GALNT1: variants seen among roughly 807,000 people sequenced by gnomAD.
GALNT1 encodes polypeptide N-acetylgalactosaminyltransferase 1.
A neutral mutation model predicts 65.7 loss-of-function variants in GALNT1; 17 were observed. The ratio of observed to expected loss-of-function variants is 0.26; its 90% confidence interval spans 0.18 to 0.39. The LOEUF (loss-of-function observed/expected upper bound fraction) is 0.39, where lower values mean the gene tolerates loss of function less well. GALNT1 is among the 10% of genes least tolerant of loss of function. The pLI is 1.00. For synonymous variants in GALNT1, 210 were observed against 219.7 expected, an observed-to-expected ratio of 0.96 and a Z score of 0.39; for missense variants, 460 against 672.8, an observed-to-expected ratio of 0.68 and a Z score of 3.50.
intron 9 of GALNT1, among the ~76,000 whole-genome samples, chr18:35,700,548 C>T (rs1467399577): frequency 1.3e-5 from 2 of 152,200 alleles, no homozygotes; most frequent in Non-Finnish European, 2.9e-5. Context: ...CCACTTTCAA[C>T]ATCTAATGGT....
intron 1 of GALNT1, among the ~76,000 whole-genome samples, chr18:35,630,925 C>T (rs1349184884): frequency 2.0e-5 from 3 of 152,168 alleles, no homozygotes; most frequent in Admixed American, 6.5e-5. Context: ...ACTATAAACA[C>T]CTCTACACAA....
chr18:35,703,516 C>T lies in GALNT1; in HGVS notation c.1406C>T (p.Ser469Phe), dbSNP rs1256109086. 5 of 1,613,154 alleles carry T rather than the reference C, an allele frequency of 3.1e-6. No individual in the cohort carries two copies. Among genetic ancestry groups the T allele is most frequent in the East Asian group, 2.2e-5 (1 of 44,844 alleles). ...CHGMGGNQVFSYTANKEIRTD... is the reference protein window; with the variant it reads ...CHGMGGNQVFFYTANKEIRTD... Reference sequence around the variant, plus strand: ...GTGCATTTTTATTTCCAGGTTTTCTCTTATACTGCCAACAAAGAAATTAGA... The same window carrying T: ...GTGCATTTTTATTTCCAGGTTTTCTTTTATACTGCCAACAAAGAAATTAGA... The change falls in exon 11 of 12, where the codon TCT becomes TTT. Residue 469 changes from serine (S) to phenylalanine (F), a missense_variant. By Grantham distance (155) the Ser-to-Phe change is radical. Transcript: ENST00000269195.
chr18:35,587,106 T>C (rs2046386766), intron 1 of GALNT1, among the ~76,000 whole-genome samples: 1 of 152,068 alleles, frequency 6.6e-6, no homozygotes, highest in Non-Finnish European at 1.5e-5. Context: ...TATTTCTTTT[T>C]ATATTTTAGT....
At chr18:35,691,961 C>G (rs1351608093) in intron 8 of GALNT1, among the ~76,000 whole-genome samples, 1 of 152,146 alleles carries the variant, frequency 6.6e-6, no homozygotes, top group African/African-American at 2.4e-5. Flanking sequence ...ATATTTCATT[C>G]TCACATAAAT....
intron 5 of GALNT1, among the ~76,000 whole-genome samples, chr18:35,683,961 T>G (rs72964468): frequency 0.062 from 9,389 of 152,326 alleles, 321 homozygotes; most frequent in South Asian, 0.077. Context: ...AGGCAGATCC[T>G]CTCAGCTTGT....
intron 1 of GALNT1, among the ~76,000 whole-genome samples, chr18:35,629,767 T>G (rs1416268815): frequency 6.6e-6 from 1 of 152,142 alleles, no homozygotes; most frequent in East Asian, 1.9e-4. Context: ...GACTGGCAAA[T>G]TGGATAAAGA....
intron 3 of GALNT1, among the ~76,000 whole-genome samples, chr18:35,676,950 TA>T (rs2047719566): frequency 6.6e-6 from 1 of 152,232 alleles, no homozygotes; most frequent in African/African-American, 2.4e-5. Context: ...TGCTCAGGCA[TA>T]AATAGTCTTT....
At chr18:35,668,273 A>C (rs1333882686) in intron 3 of GALNT1, among the ~76,000 whole-genome samples, 5 of 152,210 alleles carry the variant, frequency 3.3e-5, no homozygotes, top group Non-Finnish European at 5.9e-5. Context: ...ATGATTAAAA[A>C]ATGATAAAAT....
intron 1 of GALNT1, among the ~76,000 whole-genome samples, chr18:35,601,828 C>T (rs1295421965): frequency 2.0e-5 from 3 of 152,120 alleles, no homozygotes; most frequent in Admixed American, 1.3e-4. Context: ...TTTATATTGT[C>T]TTATGACTTA....
intron 1 of GALNT1, chr18:35,597,499 G>A (rs1280790885): frequency 1.3e-5 from 2 of 152,186 alleles, no homozygotes; most frequent in African/African-American, 4.8e-5. Context: ...AATAATGACA[G>A]TTTGTTTAGT....
rs2144631967 is a variant in GALNT1 at position 35,687,040 on chromosome 18, C to T, written c.714C>T (p.Ile238=). The T allele has an allele frequency of 6.2e-6, 10 of 1,612,880 alleles. No individual in the cohort carries two copies. The highest frequency in any genetic ancestry group is 1.1e-5 in the South Asian group (1 of 90,832). Residue 238 remains isoleucine, a synonymous_variant, in exon 6 of 12, where the codon ATC becomes ATT. Coordinates refer to ENST00000269195, the MANE Select transcript of GALNT1 (RefSeq NM_020474.4). ...GGAGAACAGTGGTGTGTCCCATCAT[C>T]GATGTGATCAGTGATGATACTTTTG... ...HDRRTVVCPI[I]DVISDDTFEY...
intron 1 of GALNT1, among the ~76,000 whole-genome samples, chr18:35,593,898 G>A (rs2046474263): frequency 6.6e-6 from 1 of 151,876 alleles, no homozygotes; most frequent in East Asian, 1.9e-4. Flanking sequence ...TAGTAGTGAC[G>A]GGGGTTTCAT....
At chr18:35,679,210 A>G (rs921124944) in intron 4 of GALNT1, among the ~76,000 whole-genome samples, 1 of 152,244 alleles carries the variant, frequency 6.6e-6, no homozygotes, top group Middle Eastern at 3.2e-3. Flanking sequence ...GGAGGAATAT[A>G]TACAAACATT....
chr18:35,686,077 AG>A (rs1391453609), intron 5 of GALNT1, among the ~76,000 whole-genome samples: 2 of 152,224 alleles, frequency 1.3e-5, no homozygotes, highest in Admixed American at 1.3e-4. Context: ...TCCAAACAAA[AG>A]AATGAAAAGT....
intron 3 of GALNT1, among the ~76,000 whole-genome samples, chr18:35,675,569 T>A (rs2047699985): frequency 6.6e-6 from 1 of 152,354 alleles, no homozygotes; most frequent in East Asian, 1.9e-4. Context: ...GGGTTATCAC[T>A]TCTCTTCTGC....
At chr18:35,589,435 T>C (rs544631811) in intron 1 of GALNT1, among the ~76,000 whole-genome samples, 125 of 152,254 alleles carry the variant, frequency 8.2e-4, no homozygotes, top group African/African-American at 2.9e-3. Flanking sequence ...AGTAGAGTGG[T>C]TTTTTTCCTA....
chr18:35,659,011 C>CTCTT (rs2047437980), intron 2 of GALNT1, among the ~76,000 whole-genome samples: 6 of 151,986 alleles, frequency 3.9e-5, no homozygotes, highest in Admixed American at 3.9e-4. Flanking sequence ...TGCCTGGCAT[C>CTCTT]AAAGTCTCTC....
chr18:35,700,716 C>G (rs2048147394), intron 9 of GALNT1, among the ~76,000 whole-genome samples: 1 of 152,190 alleles, frequency 6.6e-6, no homozygotes, highest in Admixed American at 6.5e-5. Context: ...CTCTTGAGCT[C>G]AAGGGATCCT....
At chr18:35,589,948 C>T (rs1342171114) in intron 1 of GALNT1, among the ~76,000 whole-genome samples, 2 of 152,204 alleles carry the variant, frequency 1.3e-5, no homozygotes, top group South Asian at 2.1e-4. Context: ...AATGCTTGCT[C>T]TCACCCTCTC....
Sources: gnomAD v4.1 joint callset for allele counts (sites outside exome capture counted in the v4.1 genomes callset) on GRCh38, gnomAD v4.1.1 for gene constraint, MANE v1.5 for transcripts, NCBI Gene and HGNC (gene_info 2026-07-23, HGNC 2026-07-21) for gene names.